TAF4B: variants seen among roughly 807,000 people sequenced by gnomAD.
TAF4B encodes the protein TATA-box binding protein associated factor 4b.
Under a neutral mutation model 86.4 loss-of-function variants are expected in TAF4B, and 38 were observed. That is an observed-to-expected ratio of 0.44 (90% CI 0.34 to 0.58). TAF4B has a LOEUF of 0.58. Ranked by LOEUF, TAF4B falls within the 20% of genes least tolerant of loss-of-function variation. The pLI is 0.02. For missense variants in TAF4B, 988 were observed against 1,027.6 expected (o/e 0.96, Z 0.53); for synonymous variants, 388 against 391.2 (o/e 0.99, Z 0.10).
Position 26,298,368 on chromosome 18 carries a change from A to G in TAF4B, c.1832+4837A>G, listed in dbSNP as rs548152264. Among the ~76,000 whole-genome samples the G allele has an allele frequency of 7.9e-5, 12 of 151,860 alleles. No homozygotes were observed. The South Asian group carries it at 1.9e-3, about 24-fold the overall frequency. ...CTCAGCCTCCCGGGTAGCTGGGACT[A>G]TAGGCGCCCGCAACCACACTCTGCT... On this transcript the variant is annotated intron_variant, in intron 9 of 14. Coordinates refer to ENST00000269142, the MANE Select transcript of TAF4B (RefSeq NM_005640.3).
Position 26,267,500 on chromosome 18 carries a change from C to T in TAF4B, c.490-16C>T, listed in dbSNP as rs1352912102. ...GCTAATGACTTTGTGTTATCTTGCT[C>T]CCCTCCACCGCCAAGAACTCTAGCT... On this transcript the variant is annotated splice_polypyrimidine_tract_variant and intron_variant, in intron 2 of 14. Coordinates refer to ENST00000269142, the MANE Select transcript of TAF4B (RefSeq NM_005640.3). 1.3e-6 allele frequency: 2 copies of T among 1,582,988 alleles called. No homozygotes were observed. The highest frequency in any genetic ancestry group is 2.2e-5 in the East Asian group (1 of 44,736).
intron 1 of TAF4B, among the ~76,000 whole-genome samples, chr18:26,253,436 T>C (rs2056035134): frequency 6.6e-6 from 1 of 152,202 alleles, no homozygotes; most frequent in African/African-American, 2.4e-5. Context: ...TATCACTTGG[T>C]CATGGTATAT....
At chr18:26,266,871 C>A (rs1027598081) in intron 2 of TAF4B, 19 of 151,102 alleles carry the variant, frequency 1.3e-4, no homozygotes, top group African/African-American at 4.6e-4. Context: ...CAAAACAAAA[C>A]AAAAAAAACA....
chr18:26,353,883 T>C (rs925052789), intron 13 of TAF4B, among the ~76,000 whole-genome samples: 4 of 152,214 alleles, frequency 2.6e-5, no homozygotes, highest in Non-Finnish European at 4.4e-5. Context: ...TTTTCTCTTA[T>C]AGATATGCAT....
chr18:26,293,655 T>A, intron 9 of TAF4B, 124 bp downstream of exon 9: 1 of 578,170 alleles, frequency 1.7e-6, no homozygotes. Flanking sequence ...AACAGTACTT[T>A]ATTGAGTATA....
chr18:26,279,037 A>C (rs940014188), intron 5 of TAF4B, among the ~76,000 whole-genome samples: 1 of 151,856 alleles, frequency 6.6e-6, no homozygotes, highest in Non-Finnish European at 1.5e-5. Flanking sequence ...GCAGTCAGGC[A>C]AGAGAAAGAA....
intron 14 of TAF4B, among the ~76,000 whole-genome samples, chr18:26,381,725 CTAAA>C (rs59018457): frequency 0.16 from 22,588 of 143,952 alleles, 2,052 homozygotes; most frequent in African/African-American, 0.25. Flanking sequence ...AACTCCGCCT[CTAAA>C]TAAATAAATA....
At chr18:26,297,643 ATGT>A (rs1437535785) in intron 9 of TAF4B, among the ~76,000 whole-genome samples, 2 of 150,792 alleles carry the variant, frequency 1.3e-5, no homozygotes, top group South Asian at 4.2e-4. Flanking sequence ...TATATATACC[ATGT>A]TGTTGTATGT....
At chr18:26,336,381 T>C (rs980962701) in intron 13 of TAF4B, among the ~76,000 whole-genome samples, 1 of 152,150 alleles carries the variant, frequency 6.6e-6, no homozygotes, top group Admixed American at 6.5e-5. Flanking sequence ...AAGGCCCTTA[T>C]TGTTTGGATT....
intron 5 of TAF4B, among the ~76,000 whole-genome samples, chr18:26,280,016 C>A (rs2056428315): frequency 6.7e-6 from 1 of 149,150 alleles, no homozygotes; most frequent in African/African-American, 2.5e-5. Context: ...TGCACTACAG[C>A]CTAGGTGACA....
intron 9 of TAF4B, among the ~76,000 whole-genome samples, chr18:26,296,176 C>T (rs776462795): frequency 5.3e-5 from 8 of 151,800 alleles, no homozygotes; most frequent in African/African-American, 9.7e-5. Flanking sequence ...ATCTATTTGC[C>T]GTGGGAAAAC....
At chr18:26,304,212 T>G (rs1479236842) in intron 9 of TAF4B, among the ~76,000 whole-genome samples, 1 of 151,624 alleles carries the variant, frequency 6.6e-6, no homozygotes, top group Admixed American at 6.6e-5. Flanking sequence ...CCATTGTTTT[T>G]GGGTGTTCAT....
chr18:26,375,698 A>G lies in TAF4B; in HGVS notation c.2422-14147A>G, dbSNP rs569239239. ...TTTCATGTGCTTGTAGACCATTTGTACATTGACTTTCTAGAAATAAGTTCA... is the reference window on the plus strand; with the variant it reads ...TTTCATGTGCTTGTAGACCATTTGTGCATTGACTTTCTAGAAATAAGTTCA... On this transcript the variant is annotated intron_variant, in intron 14 of 14. Coordinates refer to ENST00000269142, the MANE Select transcript of TAF4B (RefSeq NM_005640.3). 3.3e-5 allele frequency among the ~76,000 whole-genome samples: 5 copies of G among 152,330 alleles called. No homozygotes were observed. The South Asian group carries it at 1.0e-3, about 32-fold the overall frequency.
intron 6 of TAF4B, among the ~76,000 whole-genome samples, 189 bp downstream of exon 6, chr18:26,282,249 A>G (rs2056459732): frequency 6.6e-6 from 1 of 152,224 alleles, no homozygotes; most frequent in South Asian, 2.1e-4. Context: ...CTTTGAAAAA[A>G]GAGAAGTAAC....
intron 14 of TAF4B, among the ~76,000 whole-genome samples, chr18:26,374,403 C>T (rs1172126082): frequency 4.6e-5 from 7 of 152,170 alleles, no homozygotes; most frequent in South Asian, 2.1e-4. Context: ...GTAGTATTCT[C>T]ACAGGACCAG....
At chr18:26,361,419 T>C (rs1482762496) in intron 14 of TAF4B, among the ~76,000 whole-genome samples, 1 of 151,528 alleles carries the variant, frequency 6.6e-6, no homozygotes, top group African/African-American at 2.4e-5. Flanking sequence ...GCCACACTCT[T>C]GGCCCCAAAT....
At chr18:26,304,819 G>T (rs1254908555) in intron 9 of TAF4B, 1 of 985,060 alleles carries the variant, frequency 1.0e-6, no homozygotes, top group Non-Finnish European at 1.2e-6. Flanking sequence ...CTGTGTAATT[G>T]CTCCTCAGTA....
chr18:26,227,005 C>T lies in TAF4B; in HGVS notation c.72C>T (p.Thr24=). ...PAAVSASGTV[T]MAPAGALPVR... ...CTGTGAGCGCCTCGGGGACCGTGAC[C>T]ATGGCCCCGGCCGGGGCGCTGCCGG... Residue 24 remains threonine, a synonymous_variant, in exon 1 of 15, where the codon ACC becomes ACT. Coordinates refer to ENST00000269142, the MANE Select transcript of TAF4B (RefSeq NM_005640.3). The T allele has an allele frequency of 6.9e-7, 1 of 1,453,842 alleles. No homozygotes were observed. Among genetic ancestry groups the T allele is most frequent in the Non-Finnish European group, 9.0e-7 (1 of 1,117,236 alleles). The allele number at this position is 1,453,842 out of a possible 1,614,324, so 90.1% of individuals were successfully genotyped here.
At chr18:26,299,521 G>A (rs1353202117) in intron 9 of TAF4B, among the ~76,000 whole-genome samples, 1 of 151,986 alleles carries the variant, frequency 6.6e-6, no homozygotes, top group Non-Finnish European at 1.5e-5. Context: ...TTTGGTATCT[G>A]TGATTATATT....
Sources: allele counts gnomAD v4.1 joint callset (sites outside exome capture counted in the v4.1 genomes callset), GRCh38; gene constraint gnomAD v4.1.1; transcripts MANE v1.5; gene names NCBI Gene and HGNC (gene_info 2026-07-23, HGNC 2026-07-21).